GOLM1: variants seen among roughly 807,000 people sequenced by gnomAD.
GOLM1 encodes the protein golgi membrane protein 1, also known as epididymis luminal protein 46.
A neutral mutation model predicts 50.5 loss-of-function variants in GOLM1; 31 were observed. The ratio of observed to expected loss-of-function variants is 0.61; its 90% CI spans 0.46 to 0.83. GOLM1 has a LOEUF of 0.83. Ranked by LOEUF, GOLM1 falls within the 40% of genes least tolerant of loss-of-function variation. GOLM1 has a pLI of 0.00. For synonymous variants in GOLM1, 178 were observed against 192.8 expected (o/e 0.92, Z 0.64); for missense variants, 491 against 501.3 (o/e 0.98, Z 0.20).
chr9:86,097,413 C>T (rs915541910), intron 1 of GOLM1, among the ~76,000 whole-genome samples: 1 of 151,922 alleles, frequency 6.6e-6, no homozygotes, highest in Admixed American at 6.6e-5. Context: ...TCTCACATTA[C>T]GTCACTGAAA....
In GOLM1 at chr9:86,035,480, C is replaced by T. The variant is rs755115162; in HGVS notation, c.903G>A (p.Gln301=). Reference sequence around the variant, plus strand: ...GGCTCACTGACAGGGCAGCCTGCACCTGTGGGGTCTGGCCCAGTTCTCCGG... The same window carrying T: ...GGCTCACTGACAGGGCAGCCTGCACTTGTGGGGTCTGGCCCAGTTCTCCGG... ...GGAGELGQTP[Q]VQAALSVSQE... The change falls in exon 8 of 10, where the codon CAG becomes CAA. Residue 301 remains glutamine (Q), a synonymous_variant. Coordinates refer to ENST00000388712, the MANE Select transcript of GOLM1 (RefSeq NM_016548.4). 9 of 1,613,544 alleles carry T rather than the reference C, an allele frequency of 5.6e-6. No homozygotes were observed. In the African/African-American group the frequency reaches 9.4e-5, roughly 17 times the overall value.
chr9:86,091,494 C>G (rs555626316), intron 1 of GOLM1, among the ~76,000 whole-genome samples: 1 of 152,218 alleles, frequency 6.6e-6, no homozygotes, highest in Admixed American at 6.5e-5. Context: ...TGCCAGGGCC[C>G]TCTACTGAAT....
At chr9:86,071,536 G>A (rs146859794) in intron 3 of GOLM1, among the ~76,000 whole-genome samples, 1,903 of 152,000 alleles carry the variant, frequency 0.013, 25 homozygotes, top group African/African-American at 0.035. Context: ...AAAATTAGCC[G>A]GGTGTGGTGG....
At chr9:86,078,315 G>T (rs531287399) in intron 2 of GOLM1, among the ~76,000 whole-genome samples, 1 of 152,306 alleles carries the variant, frequency 6.6e-6, no homozygotes, top group South Asian at 2.1e-4. Context: ...CAAAACGATT[G>T]CAATAGGAGA....
At chr9:86,086,260 T>C (rs1442350501) in intron 1 of GOLM1, among the ~76,000 whole-genome samples, 1 of 152,268 alleles carries the variant, frequency 6.6e-6, no homozygotes, top group Non-Finnish European at 1.5e-5. Context: ...GTTGGCTGCA[T>C]AAATGTCTTC....
intron 9 of GOLM1, among the ~76,000 whole-genome samples, chr9:86,031,401 G>T (rs1247189503): frequency 7.1e-6 from 1 of 140,664 alleles, no homozygotes; most frequent in Non-Finnish European, 1.5e-5. Flanking sequence ...AAAAAGGAAA[G>T]AAATCAAGCA....
At chr9:86,039,664 A>T (rs1833266863) in intron 6 of GOLM1, among the ~76,000 whole-genome samples, 1 of 152,136 alleles carries the variant, frequency 6.6e-6, no homozygotes, top group African/African-American at 2.4e-5. Context: ...AGGTATTCAT[A>T]CTCAGTCAAA....
chr9:86,039,475 T>C (rs1231570983), intron 6 of GOLM1, among the ~76,000 whole-genome samples: 1 of 152,178 alleles, frequency 6.6e-6, no homozygotes, highest in Non-Finnish European at 1.5e-5. Flanking sequence ...TGAAAACATA[T>C]GACCACACAA....
Position 86,052,545 on chromosome 9 carries a change from A to G in GOLM1, c.356T>C (p.Val119Ala), listed in dbSNP as rs757140843. The G allele has an allele frequency of 6.2e-7, 1 of 1,613,744 alleles. No homozygotes were observed. The highest frequency in any genetic ancestry group is 1.1e-5 in the South Asian group (1 of 91,088). The change falls in exon 4 of 10, where the codon GTG (valine) becomes GCG (alanine). Residue 119 changes from valine (V) to alanine (A), a missense_variant. Coordinates refer to ENST00000388712, the MANE Select transcript of GOLM1 (RefSeq NM_016548.4). Reference sequence around the variant, plus strand: ...GAGCGAGCGGAACTTACCTTGCAGCACTCGGATGAGCCTCTCACCTGTGGT... The same window carrying G: ...GAGCGAGCGGAACTTACCTTGCAGCGCTCGGATGAGCCTCTCACCTGTGGT... ...NITTGERLIR[V>A]LQDQLKTLQR... is the part of the protein sequence containing the mutation.
chr9:86,034,056 C>A (rs146355201), intron 8 of GOLM1, among the ~76,000 whole-genome samples: 1 of 151,418 alleles, frequency 6.6e-6, no homozygotes, highest in African/African-American at 2.4e-5. Context: ...CCTCCGCCTC[C>A]GGGGTTCAAG....
chr9:86,043,638 A>G (rs747389759), intron 5 of GOLM1, among the ~76,000 whole-genome samples: 1 of 152,210 alleles, frequency 6.6e-6, no homozygotes, highest in Admixed American at 6.5e-5. Flanking sequence ...GAAGCACTGC[A>G]TATCTGGTAC....
intron 3 of GOLM1, among the ~76,000 whole-genome samples, chr9:86,053,143 ACAC>A (rs1381879246): frequency 4.4e-5 from 6 of 136,764 alleles, no homozygotes; most frequent in Admixed American, 3.6e-4. Context: ...ACCAAACCAC[ACAC>A]CACTCCACAC....
intron 1 of GOLM1, among the ~76,000 whole-genome samples, chr9:86,086,671 G>A (rs1241359568): frequency 6.6e-6 from 1 of 152,178 alleles, no homozygotes; most frequent in Non-Finnish European, 1.5e-5. Flanking sequence ...TTCTGCATAT[G>A]GCTTGCCAGT....
chr9:86,029,092 C>T (rs1345139737), intron 9 of GOLM1, among the ~76,000 whole-genome samples: 2 of 152,022 alleles, frequency 1.3e-5, no homozygotes, highest in African/African-American at 2.4e-5. Flanking sequence ...CTCCTGACCT[C>T]GTGATCCGCC....
rs551678380 is a variant in GOLM1, at chr9:86,027,833, C to T, written c.1190G>A (p.Arg397Gln). 56 of 1,613,054 alleles carry T rather than the reference C, an allele frequency of 3.5e-5. No individual in the cohort carries two copies. Among genetic ancestry groups the T allele is most frequent in the African/African-American group, 1.1e-4 (8 of 74,952 alleles). The change falls in exon 10 of 10, where the codon CGG becomes CAG. Residue 397 changes from arginine (R) to glutamine (Q), a missense_variant. Transcript: ENST00000388712. The part of the protein sequence containing the change: ...TINLLDQREK[R>Q]NHTL ...CAGTTCAATTCAGAGTGTATGATTC[C>T]GCTTTTCACGCTGATCAAGTAAATT... is the stretch of plus-strand genomic sequence containing the variant.
intron 1 of GOLM1, among the ~76,000 whole-genome samples, chr9:86,099,188 G>C (rs2118925915): frequency 6.6e-6 from 1 of 151,522 alleles, no homozygotes; most frequent in East Asian, 2.0e-4. Flanking sequence ...CGGTCTTGGG[G>C]AGCGAGCCGA....
intron 3 of GOLM1, among the ~76,000 whole-genome samples, chr9:86,071,397 G>T (rs1834442830): frequency 6.6e-6 from 1 of 152,036 alleles, no homozygotes; most frequent in Non-Finnish European, 1.5e-5. Flanking sequence ...CAACAATGGT[G>T]GTCAGGCATG....
chr9:86,063,680 C>T (rs1221062265), intron 3 of GOLM1, among the ~76,000 whole-genome samples: 7 of 152,198 alleles, frequency 4.6e-5, no homozygotes, highest in Admixed American at 6.5e-5. Flanking sequence ...AGAAGGTAAA[C>T]GGAGTCAATT....
intron 1 of GOLM1, among the ~76,000 whole-genome samples, chr9:86,095,103 A>G (rs2118911832): frequency 6.6e-6 from 1 of 152,104 alleles, no homozygotes; most frequent in East Asian, 1.9e-4. Flanking sequence ...AAGAAAAGAA[A>G]AGAAAAAAGA....
Sources: allele counts gnomAD v4.1 joint callset (sites outside exome capture counted in the v4.1 genomes callset), GRCh38; gene constraint gnomAD v4.1.1; transcripts MANE v1.5; gene names NCBI Gene and HGNC (gene_info 2026-07-23, HGNC 2026-07-21).